Variants in ATL1 observed in about 807,000 individuals in gnomAD.
ATL1 encodes the protein atlastin GTPase 1.
A neutral mutation model predicts 75.5 loss-of-function variants in ATL1; 31 were observed. The ratio of observed to expected loss-of-function variants is 0.41; its 90% CI spans 0.31 to 0.55. The LOEUF is 0.55. Ranked by LOEUF, ATL1 falls within the 20% of genes least tolerant of loss-of-function variation. The pLI is 0.27. For synonymous variants in ATL1, 226 were observed against 233.3 expected (o/e 0.97, Z 0.28); for missense variants, 405 against 662.6 (o/e 0.61, Z 4.27).
At chr14:50,581,220 TTAG>T (rs1245375260) in intron 1 of ATL1, among the ~76,000 whole-genome samples, 1 of 151,946 alleles carries the variant, frequency 6.6e-6, no homozygotes, top group Non-Finnish European at 1.5e-5. Context: ...GACATAGATA[TTAG>T]CTTATGATTT....
chr14:50,578,829 T>C (rs2039030662), intron 1 of ATL1, among the ~76,000 whole-genome samples: 1 of 152,204 alleles, frequency 6.6e-6, no homozygotes. Context: ...TGAAATAGCA[T>C]TGCTGGGTCA....
intron 6 of ATL1, among the ~76,000 whole-genome samples, chr14:50,610,962 C>T (rs992271637): frequency 6.6e-6 from 1 of 152,090 alleles, no homozygotes; most frequent in African/African-American, 2.4e-5. Context: ...GGTGACAGTT[C>T]AGACCATCCC....
intron 1 of ATL1, among the ~76,000 whole-genome samples, chr14:50,560,878 T>C (rs2038834852): frequency 6.6e-6 from 1 of 152,146 alleles, no homozygotes; most frequent in African/African-American, 2.4e-5. Context: ...GGCCACCCTC[T>C]TGGGAATTCC....
intron 13 of ATL1, 143 bp from the exon 14 acceptor site, chr14:50,632,080 GAATTTT>G (rs1364977888): frequency 1.8e-6 from 1 of 545,454 alleles, no homozygotes; most frequent in Non-Finnish European, 3.3e-6. Flanking sequence ...AAATACTTTT[GAATTTT>G]AAGATAATAA....
chr14:50,567,076 G>C (rs1413552993), intron 1 of ATL1, among the ~76,000 whole-genome samples: 7 of 152,088 alleles, frequency 4.6e-5, no homozygotes, highest in African/African-American at 1.7e-4. Context: ...TCTATCTCCC[G>C]AACTCTTCAT....
At chr14:50,541,915 G>A (rs1211822244) in intron 1 of ATL1, among the ~76,000 whole-genome samples, 1 of 147,364 alleles carries the variant, frequency 6.8e-6, no homozygotes, top group Non-Finnish European at 1.5e-5. Flanking sequence ...GCTGAGGCAG[G>A]AGAATGGCAT....
intron 6 of ATL1, among the ~76,000 whole-genome samples, chr14:50,605,590 A>G (rs1336201790): frequency 1.3e-5 from 2 of 151,926 alleles, no homozygotes; most frequent in East Asian, 1.9e-4. Context: ...CCTTTGTCCA[A>G]TTGATATTTA....
intron 10 of ATL1, among the ~76,000 whole-genome samples, chr14:50,622,670 A>C (rs2039479136): frequency 6.6e-6 from 1 of 152,146 alleles, no homozygotes; most frequent in Non-Finnish European, 1.5e-5. Flanking sequence ...AGTCTCAAAA[A>C]AAAATAAGAA....
chr14:50,592,918 A>G (rs1349763261), intron 4 of ATL1, among the ~76,000 whole-genome samples: 2 of 99,754 alleles, frequency 2.0e-5, no homozygotes, highest in Non-Finnish European at 3.9e-5. Flanking sequence ...CGTCTCAAAA[A>G]AAAAAAAAAA....
intron 6 of ATL1, 105 bp from the exon 7 acceptor site, chr14:50,613,154 G>A: frequency 2.3e-6 from 2 of 887,600 alleles, no homozygotes; most frequent in East Asian, 4.9e-5. Context: ...AGCAATGTGG[G>A]AAAGAACGAT....
chr14:50,626,196 A>G (rs2039518946), intron 11 of ATL1, among the ~76,000 whole-genome samples: 3 of 152,224 alleles, frequency 2.0e-5, no homozygotes, highest in South Asian at 2.1e-4. Flanking sequence ...TTGACTTTCA[A>G]AAGTTAATAA....
chr14:50,558,364 C>T (rs188881402), upstream of ATL1, among the ~76,000 whole-genome samples: 1 of 152,142 alleles, frequency 6.6e-6, no homozygotes, highest in South Asian at 2.1e-4. Context: ...GTCTGGAAAA[C>T]AAACAAACAA....
chr14:50,538,539 C>T (rs570448741), intron 1 of ATL1, among the ~76,000 whole-genome samples: 16 of 152,300 alleles, frequency 1.1e-4, no homozygotes, highest in Middle Eastern at 3.4e-3. Context: ...TAATCTTACA[C>T]TGTTCCTTAT....
chr14:50,538,863 CA>C (rs1162691814), intron 1 of ATL1, among the ~76,000 whole-genome samples: 1 of 152,184 alleles, frequency 6.6e-6, no homozygotes, highest in African/African-American at 2.4e-5. Context: ...GGCTAGAATG[CA>C]GTGGCTATTA....
intron 1 of ATL1, among the ~76,000 whole-genome samples, chr14:50,585,400 T>C (rs3825571): frequency 0.51 from 78,089 of 151,996 alleles, 20,771 homozygotes; most frequent in East Asian, 0.74. Flanking sequence ...AAATATTATG[T>C]CTAGCTTGGG....
At chr14:50,621,385 T>A (rs2039465613) in intron 9 of ATL1, among the ~76,000 whole-genome samples, 2 of 152,232 alleles carry the variant, frequency 1.3e-5, no homozygotes, top group Non-Finnish European at 2.9e-5. Context: ...TTTACCTTCA[T>A]GATTGTCAGC....
chr14:50,588,227 A>C, intron 2 of ATL1, 149 bp downstream of exon 2: 1 of 1,048,174 alleles, frequency 9.5e-7, no homozygotes, highest in East Asian at 2.6e-5. Flanking sequence ...AACCATTCCA[A>C]CCTCAGTGCT....
chr14:50,577,522 C>A (rs2039017257), intron 1 of ATL1, among the ~76,000 whole-genome samples: 1 of 152,090 alleles, frequency 6.6e-6, no homozygotes, highest in African/African-American at 2.4e-5. Flanking sequence ...ACATAATTCA[C>A]CCACTTAAAG....
At chr14:50,559,198 A>G (rs976625695), upstream of ATL1, 1 of 152,270 alleles carries the variant, frequency 6.6e-6, no homozygotes, top group Non-Finnish European at 1.5e-5. Flanking sequence ...ACCATGAGGA[A>G]TTAGCAGAGA....
Sources: gnomAD v4.1 joint callset for allele counts (sites outside exome capture counted in the v4.1 genomes callset) on GRCh38, gnomAD v4.1.1 for gene constraint, MANE v1.5 for transcripts, NCBI Gene and HGNC (gene_info 2026-07-23, HGNC 2026-07-21) for gene names.